SLC68A1: variants seen among roughly 807,000 people sequenced by gnomAD.
The protein encoded by SLC68A1 is solute carrier family 68 member 1, also known as major facilitator superfamily domain containing 13A.
At chr10:102,472,261 T>G in the SLC68A1 span, 1 of 292,022 alleles carries the variant, frequency 3.4e-6, no homozygotes, top group South Asian at 2.8e-5. Context: ...TTTGTTTCAC[T>G]AATGTGTTTT....
the SLC68A1 span, chr10:102,473,642 C>T: frequency 2.5e-5 from 40 of 1,613,986 alleles, no homozygotes; most frequent in Admixed American, 1.7e-4. Flanking sequence ...GGCGTCTACG[C>T]GGTGGTGCGG....
the SLC68A1 span, chr10:102,473,924 A>G: frequency 6.2e-7 from 1 of 1,613,604 alleles, no homozygotes; most frequent in African/African-American, 1.3e-5. Context: ...CAGCCTCGGC[A>G]CTCCTCTTTG....
chr10:102,470,806 G>A, the SLC68A1 span: 11 of 1,613,846 alleles, frequency 6.8e-6, no homozygotes, highest in South Asian at 9.9e-5. Context: ...TGCTGTGCCT[G>A]TGCCTCTATG....
the SLC68A1 span, among the ~76,000 whole-genome samples, chr10:102,466,405 C>T: frequency 6.7e-6 from 1 of 150,158 alleles, no homozygotes; most frequent in Non-Finnish European, 1.5e-5. Flanking sequence ...ATTGCTTGAA[C>T]CTGGGAAGCG....
At chr10:102,470,813 T>C in the SLC68A1 span, 1 of 1,613,922 alleles carries the variant, frequency 6.2e-7, no homozygotes, top group Non-Finnish European at 8.5e-7. Context: ...CCTGTGCCTC[T>C]ATGATGGCTT....
chr10:102,475,971 T>C, the SLC68A1 span: 2 of 1,607,194 alleles, frequency 1.2e-6, no homozygotes, highest in Non-Finnish European at 1.7e-6. Context: ...ACCCTGGATG[T>C]TAAGATGGTG....
At chr10:102,470,520 AC>A in the SLC68A1 span, 1 of 1,317,796 alleles carries the variant, frequency 7.6e-7, no homozygotes. Context: ...TAAGTTGCAG[AC>A]TGGGGACTTA....
chr10:102,471,922 C>G, the SLC68A1 span: 8,465 of 390,666 alleles, frequency 0.022, 642 homozygotes, highest in African/African-American at 0.16. Flanking sequence ...CTCAGGCTCT[C>G]TGGGTAGCCC....
the SLC68A1 span, chr10:102,469,970 T>G: frequency 9.9e-5 from 160 of 1,611,610 alleles, no homozygotes; most frequent in Non-Finnish European, 1.3e-4. Context: ...GAGCCCACCT[T>G]CCTGTCTCCC....
At chr10:102,475,987 G>T in the SLC68A1 span, 1 of 1,588,470 alleles carries the variant, frequency 6.3e-7, no homozygotes, top group African/African-American at 1.3e-5. Context: ...TGGTGTGAGA[G>T]CTGTGGCAAG....
chr10:102,465,181 C>T, the SLC68A1 span, among the ~76,000 whole-genome samples: 1 of 152,120 alleles, frequency 6.6e-6, no homozygotes, highest in South Asian at 2.1e-4. Flanking sequence ...ATGGCTTGAA[C>T]CCAGGAGGCA....
At chr10:102,467,856 C>T in the SLC68A1 span, among the ~76,000 whole-genome samples, 2 of 152,108 alleles carry the variant, frequency 1.3e-5, no homozygotes, top group African/African-American at 4.8e-5. Flanking sequence ...CGGGGTTTCA[C>T]CGTGTTGGCC....
At chr10:102,475,841 C>T in the SLC68A1 span, 1 of 1,614,108 alleles carries the variant, frequency 6.2e-7, no homozygotes, top group Admixed American at 1.7e-5. Flanking sequence ...CTTCTACCTG[C>T]TGGTGCTGGT....
the SLC68A1 span, among the ~76,000 whole-genome samples, chr10:102,467,589 C>CT: frequency 6.6e-6 from 1 of 152,156 alleles, no homozygotes; most frequent in Non-Finnish European, 1.5e-5. Context: ...ATCCTCCTGC[C>CT]TTGGGACAAG....
chr10:102,474,274 T>C, the SLC68A1 span, among the ~76,000 whole-genome samples: 203 of 152,238 alleles, frequency 1.3e-3, 1 homozygote, highest in African/African-American at 4.5e-3. Flanking sequence ...ATGAATAAGA[T>C]AGACAAAGTC....
At chr10:102,475,866 C>T in the SLC68A1 span, 1 of 1,614,016 alleles carries the variant, frequency 6.2e-7, no homozygotes, top group Admixed American at 1.7e-5. Context: ...ATCACCTGTG[C>T]TCTGCTGCAG....
chr10:102,476,050 TGGTTTTTTTTTTAAGGATTTCATAG>T, the SLC68A1 span: 230 of 1,331,720 alleles, frequency 1.7e-4, 4 homozygotes, highest in Middle Eastern at 5.3e-4. Flanking sequence ...CAGTTTTTTT[TGGTTTTTTTTTTAAGGATTTCATAG>T]TTTTTTTTTT....
chr10:102,475,899 C>T, the SLC68A1 span: 22 of 1,613,752 alleles, frequency 1.4e-5, no homozygotes, highest in Non-Finnish European at 1.6e-5. Context: ...TCCCAGTTCA[C>T]GCTGCATGGG....
At chr10:102,468,848 T>C in the SLC68A1 span, 1 of 591,560 alleles carries the variant, frequency 1.7e-6, no homozygotes, top group Admixed American at 3.0e-5. Flanking sequence ...CTGTTGTAAG[T>C]ACAAACTCTC....
Sources: allele counts gnomAD v4.1 joint callset (sites outside exome capture counted in the v4.1 genomes callset), GRCh38; gene constraint gnomAD v4.1.1; transcripts MANE v1.5; gene names NCBI Gene and HGNC (gene_info 2026-07-23, HGNC 2026-07-21).